Variants in SLC71A2 observed in about 807,000 individuals in gnomAD.
SLC71A2 encodes the protein solute carrier family 71 member 2, also known as hippocampus abundant transcript-like 1.
the SLC71A2 span, among the ~76,000 whole-genome samples, chr9:94,419,374 A>G: frequency 2.7e-5 from 4 of 150,912 alleles, no homozygotes; most frequent in Admixed American, 2.6e-4. Context: ...GCTCACTGCA[A>G]CTTCCGCCTC....
chr9:94,458,118 TTA>T, the SLC71A2 span, among the ~76,000 whole-genome samples: 19 of 152,240 alleles, frequency 1.2e-4, no homozygotes, highest in African/African-American at 3.4e-4. Flanking sequence ...TTTTATGATT[TTA>T]TATGTTTTAT....
At chr9:94,396,448 G>A in the SLC71A2 span, among the ~76,000 whole-genome samples, 1 of 152,230 alleles carries the variant, frequency 6.6e-6, no homozygotes, top group Non-Finnish European at 1.5e-5. Context: ...CCAGGAGGCG[G>A]AGGTTGCAGT....
chr9:94,416,870 A>T, the SLC71A2 span, among the ~76,000 whole-genome samples: 4 of 148,500 alleles, frequency 2.7e-5, no homozygotes, highest in South Asian at 8.6e-4. Flanking sequence ...AAAAAAAAAA[A>T]TACAGTTTTA....
chr9:94,416,265 A>G, the SLC71A2 span, among the ~76,000 whole-genome samples: 4 of 152,192 alleles, frequency 2.6e-5, no homozygotes, highest in Admixed American at 6.5e-5. Flanking sequence ...CTTTAGGCCC[A>G]GCTATTCAGT....
chr9:94,412,526 A>G, the SLC71A2 span, among the ~76,000 whole-genome samples: 76 of 152,162 alleles, frequency 5.0e-4, no homozygotes, highest in Non-Finnish European at 9.7e-4. Flanking sequence ...CTTGTACATC[A>G]ATGTTTATAG....
chr9:94,446,866 G>T, the SLC71A2 span: 1 of 1,612,526 alleles, frequency 6.2e-7, no homozygotes, highest in Non-Finnish European at 8.5e-7. Context: ...TTACTAATCT[G>T]CATCACCGTG....
chr9:94,445,040 G>A, the SLC71A2 span: 67 of 1,614,086 alleles, frequency 4.2e-5, no homozygotes, highest in Non-Finnish European at 5.0e-5. Context: ...TACGGAGACA[G>A]CCTCGTTGTG....
At chr9:94,385,256 A>G in the SLC71A2 span, among the ~76,000 whole-genome samples, 4 of 152,182 alleles carry the variant, frequency 2.6e-5, no homozygotes, top group East Asian at 1.9e-4. Flanking sequence ...CAGTGTATCT[A>G]TTTTGACTTT....
chr9:94,378,036 G>A, the SLC71A2 span, among the ~76,000 whole-genome samples: 711 of 151,922 alleles, frequency 4.7e-3, 3 homozygotes, highest in African/African-American at 0.016. Context: ...CCTGGGAGGC[G>A]GAGGTTGCAG....
chr9:94,396,957 A>T, the SLC71A2 span, among the ~76,000 whole-genome samples: 1 of 152,124 alleles, frequency 6.6e-6, no homozygotes, highest in South Asian at 2.1e-4. Flanking sequence ...TTTAGTAGAG[A>T]TGGGGTTTCT....
At chr9:94,439,308 A>AATT in the SLC71A2 span, among the ~76,000 whole-genome samples, 1 of 106,768 alleles carries the variant, frequency 9.4e-6, no homozygotes, top group Non-Finnish European at 1.9e-5. Flanking sequence ...TGCGCAGCCC[A>AATT]ATTTTTTTTT....
chr9:94,434,270 T>G, the SLC71A2 span, among the ~76,000 whole-genome samples: 1 of 152,162 alleles, frequency 6.6e-6, no homozygotes, highest in Non-Finnish European at 1.5e-5. Context: ...TGCAACAATA[T>G]AATCCTACCA....
chr9:94,455,181 TGAGAGA>T, the SLC71A2 span, among the ~76,000 whole-genome samples: 1 of 67,322 alleles, frequency 1.5e-5, no homozygotes, highest in Non-Finnish European at 2.5e-5. Context: ...TTTTTTTTTT[TGAGAGA>T]GAGAGGGTCT....
chr9:94,400,396 A>G, the SLC71A2 span, among the ~76,000 whole-genome samples: 2 of 151,976 alleles, frequency 1.3e-5, no homozygotes, highest in East Asian at 1.9e-4. Context: ...TTTAGGTTTT[A>G]AAACTGGAAG....
chr9:94,417,106 T>G, the SLC71A2 span, among the ~76,000 whole-genome samples: 3,312 of 152,238 alleles, frequency 0.022, 119 homozygotes, highest in African/African-American at 0.075. Flanking sequence ...GCTTAATAAA[T>G]ATATTCTTTG....
the SLC71A2 span, among the ~76,000 whole-genome samples, chr9:94,439,126 A>G: frequency 3.4e-5 from 5 of 146,830 alleles, no homozygotes; most frequent in Non-Finnish European, 5.9e-5. Context: ...GGTTCAAGCA[A>G]TTCTCCTGCC....
the SLC71A2 span, among the ~76,000 whole-genome samples, chr9:94,457,129 T>A: frequency 6.6e-6 from 1 of 152,106 alleles, no homozygotes; most frequent in African/African-American, 2.4e-5. Context: ...CATGCCCAGC[T>A]AATTTTTTGT....
chr9:94,426,118 G>A, the SLC71A2 span, among the ~76,000 whole-genome samples: 1 of 148,094 alleles, frequency 6.8e-6, no homozygotes, highest in Non-Finnish European at 1.5e-5. Flanking sequence ...GAGTACTGAA[G>A]TACTCTATAG....
the SLC71A2 span, among the ~76,000 whole-genome samples, chr9:94,436,341 T>C: frequency 6.6e-6 from 1 of 152,278 alleles, no homozygotes; most frequent in Admixed American, 6.5e-5. Flanking sequence ...ATTTTCTCAG[T>C]CTACTGGGGT....
Sources: allele counts gnomAD v4.1 joint callset (sites outside exome capture counted in the v4.1 genomes callset), GRCh38; gene constraint gnomAD v4.1.1; transcripts MANE v1.5; gene names NCBI Gene and HGNC (gene_info 2026-07-23, HGNC 2026-07-21).